Variants in DCBLD1 observed in about 807,000 individuals in gnomAD.
DCBLD1 encodes discoidin, CUB and LCCL domain containing 1.
Under a neutral mutation model 71.5 loss-of-function variants are expected in DCBLD1, and 57 were observed. That is an observed-to-expected ratio of 0.80 (90% CI 0.64 to 0.99). DCBLD1 has a LOEUF of 0.99. Among genes scored for constraint, DCBLD1 ranks in the 50% least tolerant of loss-of-function variants. DCBLD1 has a pLI of 0.00. For missense variants in DCBLD1, 891 were observed against 923.5 expected, an observed-to-expected ratio of 0.96 and a Z score of 0.46; for synonymous variants, 380 against 363.8, an observed-to-expected ratio of 1.04 and a Z score of -0.51.
At chr6:117,501,781 C>T (rs1161554524) in intron 1 of DCBLD1, among the ~76,000 whole-genome samples, 169 of 152,316 alleles carry the variant, frequency 1.1e-3, no homozygotes, top group Non-Finnish European at 1.9e-4. Flanking sequence ...TCATTTAATT[C>T]TTGGCAATTT....
At chr6:117,539,527 A>ATT in intron 9 of DCBLD1, 148 bp downstream of exon 9, 1 of 892,420 alleles carries the variant, frequency 1.1e-6, no homozygotes, top group African/African-American at 1.8e-5. Context: ...AAGCTTTGGG[A>ATT]AGCCAAGGCA....
At chr6:117,531,794 A>G (rs183942297) in intron 5 of DCBLD1, among the ~76,000 whole-genome samples, 1 of 152,366 alleles carries the variant, frequency 6.6e-6, no homozygotes, top group African/African-American at 2.4e-5. Flanking sequence ...ATAACTTGGC[A>G]TGTGTGTCTA....
intron 7 of DCBLD1, 74 bp from the exon 8 acceptor site, chr6:117,538,546 G>A: frequency 7.3e-7 from 1 of 1,365,858 alleles, no homozygotes; most frequent in Non-Finnish European, 1.0e-6. Flanking sequence ...TTCTAGGTGA[G>A]ATGTGGTACT....
intron 1 of DCBLD1, among the ~76,000 whole-genome samples, chr6:117,489,713 G>A (rs866809133): frequency 5.9e-5 from 9 of 152,080 alleles, no homozygotes; most frequent in East Asian, 1.9e-4. Context: ...GTGAAACCCC[G>A]TCTCTACTAA....
At chr6:117,514,420 T>C (rs1278462243) in intron 2 of DCBLD1, among the ~76,000 whole-genome samples, 1 of 151,884 alleles carries the variant, frequency 6.6e-6, no homozygotes, top group Non-Finnish European at 1.5e-5. Context: ...ACCTGGGCAA[T>C]GTAGTGAGAC....
intron 2 of DCBLD1, among the ~76,000 whole-genome samples, chr6:117,518,642 G>GTCTCAT: frequency 6.6e-6 from 1 of 152,184 alleles, no homozygotes; most frequent in Non-Finnish European, 1.5e-5. Context: ...GAAGGCAAAA[G>GTCTCAT]ACATGTCTCA....
chr6:117,557,921 C>G (rs949579620), intron 14 of DCBLD1, among the ~76,000 whole-genome samples: 1 of 152,178 alleles, frequency 6.6e-6, no homozygotes, highest in Non-Finnish European at 1.5e-5. Flanking sequence ...TAGGATTTAG[C>G]CCTAGTTACA....
downstream of DCBLD1, among the ~76,000 whole-genome samples, chr6:117,554,696 TG>T (rs1472850199): frequency 2.0e-5 from 3 of 152,072 alleles, no homozygotes; most frequent in Non-Finnish European, 4.4e-5. Flanking sequence ...AGATCGAGAC[TG>T]TCCTGGCCAA....
intron 4 of DCBLD1, among the ~76,000 whole-genome samples, chr6:117,522,250 T>G (rs1342874742): frequency 1.3e-5 from 2 of 152,222 alleles, no homozygotes; most frequent in Admixed American, 1.3e-4. Context: ...ATTCTTTATA[T>G]TGCAGGGCTG....
At chr6:117,510,364 C>T (rs1777978852) in intron 2 of DCBLD1, among the ~76,000 whole-genome samples, 1 of 144,152 alleles carries the variant, frequency 6.9e-6, no homozygotes, top group African/African-American at 2.4e-5. Flanking sequence ...GACACAGACA[C>T]ACACACACAC....
downstream of DCBLD1, among the ~76,000 whole-genome samples, chr6:117,552,853 C>T (rs1277497535): frequency 6.6e-6 from 1 of 152,172 alleles, no homozygotes; most frequent in Non-Finnish European, 1.5e-5. Flanking sequence ...TTTCCACCTA[C>T]TTAGTCACTG....
At chr6:117,526,972 G>A (rs1450858377) in intron 5 of DCBLD1, among the ~76,000 whole-genome samples, 2 of 152,140 alleles carry the variant, frequency 1.3e-5, no homozygotes. Flanking sequence ...GCTCAGCTGG[G>A]GAAGGATCTG....
At chr6:117,516,712 C>T (rs954005773) in intron 2 of DCBLD1, among the ~76,000 whole-genome samples, 1 of 152,166 alleles carries the variant, frequency 6.6e-6, no homozygotes, top group Admixed American at 6.5e-5. Flanking sequence ...ACTTACAGTT[C>T]CACGTAGCTG....
intron 14 of DCBLD1, among the ~76,000 whole-genome samples, chr6:117,558,669 G>A (rs1779528017): frequency 6.6e-6 from 1 of 152,162 alleles, no homozygotes; most frequent in African/African-American, 2.4e-5. Context: ...TCCCAATGGA[G>A]TCACACAGGA....
chr6:117,550,999 A>G (rs1779417790), downstream of DCBLD1, among the ~76,000 whole-genome samples: 1 of 152,148 alleles, frequency 6.6e-6, no homozygotes, highest in African/African-American at 2.4e-5. Flanking sequence ...AACACAGCCC[A>G]TGCAGTCACC....
At chr6:117,508,933 G>A (rs12179623) in intron 2 of DCBLD1, among the ~76,000 whole-genome samples, 4,959 of 140,454 alleles carry the variant, frequency 0.035, 250 homozygotes, top group African/African-American at 0.12. Context: ...AACCAGGCTG[G>A]CCTTGAAAAT....
At chr6:117,508,428 G>A (rs2114444642) in intron 2 of DCBLD1, among the ~76,000 whole-genome samples, 1 of 152,130 alleles carries the variant, frequency 6.6e-6, no homozygotes, top group South Asian at 2.1e-4. Context: ...GCTGATTCAG[G>A]CATTGTGTCA....
At chr6:117,483,733 C>T (rs1479773077) in intron 1 of DCBLD1, among the ~76,000 whole-genome samples, 1 of 150,608 alleles carries the variant, frequency 6.6e-6, no homozygotes, top group African/African-American at 2.5e-5. Context: ...GGCCAGCTTT[C>T]TGCCGAGTTG....
chr6:117,540,570 T>A, intron 9 of DCBLD1, 98 bp from the exon 10 acceptor site: 2 of 1,460,160 alleles, frequency 1.4e-6, no homozygotes, highest in Non-Finnish European at 1.9e-6. Context: ...CGACATAGAA[T>A]CCTTGCCTTG....
Sources: allele counts gnomAD v4.1 joint callset (sites outside exome capture counted in the v4.1 genomes callset), GRCh38; gene constraint gnomAD v4.1.1; transcripts MANE v1.5; gene names NCBI Gene and HGNC (gene_info 2026-07-23, HGNC 2026-07-21).